The following FRMD8 variants were observed in gnomAD, a reference collection of about 807,000 sequenced individuals.
FRMD8 encodes FERM domain containing 8.
FRMD8 carries 37 observed loss-of-function variants against 54.2 expected under a neutral mutation model. The ratio of observed to expected loss-of-function variants is 0.68; its 90% CI spans 0.53 to 0.90. The LOEUF is 0.90. FRMD8 is among the 40% of genes least tolerant of loss of function. The pLI is 0.00. For synonymous variants in FRMD8, 246 were observed against 286.9 expected, an observed-to-expected ratio of 0.86 and a Z score of 1.44; for missense variants, 585 against 653.7, an observed-to-expected ratio of 0.89 and a Z score of 1.15.
intron 3 of FRMD8, among the ~76,000 whole-genome samples, chr11:65,391,004 GC>G (rs941395991): frequency 1.4e-4 from 21 of 152,290 alleles, no homozygotes; most frequent in African/African-American, 4.3e-4. Flanking sequence ...TGTGACTTGG[GC>G]CCCCCCAGAA....
At chr11:65,399,090 C>G (rs1273913730) in intron 7 of FRMD8, among the ~76,000 whole-genome samples, 1 of 150,570 alleles carries the variant, frequency 6.6e-6, no homozygotes, top group Non-Finnish European at 1.5e-5. Context: ...CTCCGCCTCC[C>G]AGGTTCACGC....
At chr11:65,369,467 G>A in the FRMD8 span, among the ~76,000 whole-genome samples, 1 of 152,010 alleles carries the variant, frequency 6.6e-6, no homozygotes, top group Non-Finnish European at 1.5e-5. Flanking sequence ...AGTGGCTCAT[G>A]CCTGTAATTC....
chr11:65,376,199 G>A, the FRMD8 span: 1 of 624,104 alleles, frequency 1.6e-6, no homozygotes. Context: ...AGGAGTCAAG[G>A]CCAGCTACAC....
chr11:65,406,821 C>T (rs910518508), intron 10 of FRMD8, among the ~76,000 whole-genome samples: 6 of 151,828 alleles, frequency 4.0e-5, no homozygotes, highest in Non-Finnish European at 7.4e-5. Flanking sequence ...CGCCTGTAGT[C>T]CCAGCTACTT....
upstream of FRMD8, chr11:65,381,984 A>G (rs751081430): frequency 1.2e-5 from 19 of 1,589,766 alleles, no homozygotes; most frequent in Non-Finnish European, 1.5e-5. Flanking sequence ...TGGCTCCAGC[A>G]GAGGAGACAG....
rs1031562466 is a variant in FRMD8, at chr11:65,406,258, G to A, written c.1276+1190G>A. On this transcript the variant is annotated intron_variant, in intron 10 of 10. Transcript: ENST00000317568. ...GCCCAGGCTGGAGTGCAGTGGGCGC[G>A]ATCTTGGCTCACTGCAAGCTCCACC... 9.3e-5 allele frequency among the ~76,000 whole-genome samples: 14 copies of A among 150,162 alleles called. 1 individual carries two copies. Among genetic ancestry groups the A allele is most frequent in the African/African-American group, 1.2e-4 (5 of 40,736 alleles).
intron 7 of FRMD8, 90 bp from the exon 8 acceptor site, chr11:65,399,646 G>T: frequency 6.6e-7 from 1 of 1,514,830 alleles, no homozygotes; most frequent in Non-Finnish European, 8.9e-7. Flanking sequence ...CCAAACAGCA[G>T]AAGTTCCTCA....
chr11:65,376,490 C>A, the FRMD8 span: 2 of 1,614,074 alleles, frequency 1.2e-6, no homozygotes, highest in Non-Finnish European at 1.7e-6. Flanking sequence ...TTGATGGTGA[C>A]CCCCCGGAAG....
chr11:65,413,191 G>C lies in FRMD8; in HGVS notation c.*1831G>C, dbSNP rs1779432860. The C allele has an allele frequency of 6.6e-6, 1 of 152,184 alleles. No individual in the cohort carries two copies. The highest frequency in any genetic ancestry group is 1.5e-5 in the Non-Finnish European group (1 of 68,084). 9.4% of individuals were successfully genotyped at this position (152,184 alleles called of 1,614,324 possible). A position where few individuals can be genotyped will look rare whatever the true frequency, so the allele number is the denominator to read the frequency against. ...TTTAGTAGAGATAGGGTTTCACCATGTTGGTCAGGCTGGTCGTGAACTCCT... is the reference window on the plus strand; with the variant it reads ...TTTAGTAGAGATAGGGTTTCACCATCTTGGTCAGGCTGGTCGTGAACTCCT... On this transcript the variant is annotated 3_prime_UTR_variant, in exon 11 of 11. Transcript: ENST00000317568.
At chr11:65,380,252 AGG>A in the FRMD8 span, 64 of 1,607,588 alleles carry the variant, frequency 4.0e-5, no homozygotes, top group Non-Finnish European at 6.8e-6. Flanking sequence ...AAGAGGAAAG[AGG>A]GGTTCAGGCA....
Position 65,396,838 on chromosome 11 carries a change from G to A in FRMD8, c.621G>A (p.Lys207=), listed in dbSNP as rs753256914. The change falls in exon 7 of 11, where the codon AAG becomes AAA. Residue 207 remains lysine (K), a synonymous_variant. Transcript: ENST00000317568. ...CCTTCCTCCCTGCCCACCTCTGTAAGCGGGGCCAGAGTCTCTTTGCTGCCC... is the reference window on the plus strand; with the variant it reads ...CCTTCCTCCCTGCCCACCTCTGTAAACGGGGCCAGAGTCTCTTTGCTGCCC... The part of the protein sequence containing the change: ...LDSFLPAHLC[K]RGQSLFAALR... The A allele has an allele frequency of 1.3e-6, 2 of 1,563,372 alleles. No homozygotes were observed. Among genetic ancestry groups the A allele is most frequent in the African/African-American group, 1.4e-5 (1 of 72,400 alleles).
chr11:65,376,125 C>T, the FRMD8 span: 2 of 510,688 alleles, frequency 3.9e-6, no homozygotes, highest in East Asian at 6.7e-5. Context: ...GCTGGGATGT[C>T]ACCAGCACCA....
At chr11:65,395,410 A>G (rs967936368) in intron 6 of FRMD8, among the ~76,000 whole-genome samples, 2 of 152,158 alleles carry the variant, frequency 1.3e-5, no homozygotes, top group African/African-American at 4.8e-5. Context: ...AAGGTGGTGC[A>G]TGCCTGTAAT....
intron 7 of FRMD8, among the ~76,000 whole-genome samples, chr11:65,399,489 C>T (rs971172595): frequency 5.3e-5 from 8 of 152,292 alleles, no homozygotes; most frequent in Admixed American, 2.6e-4. Context: ...CACGCGCTTC[C>T]CTCCGCCTGC....
chr11:65,391,038 C>T (rs890319977), intron 3 of FRMD8, among the ~76,000 whole-genome samples: 2 of 152,386 alleles, frequency 1.3e-5, no homozygotes, highest in African/African-American at 2.4e-5. Context: ...GGCCCCTGCA[C>T]CCCTGATGGG....
the FRMD8 span, chr11:65,379,011 T>C: frequency 3.6e-6 from 1 of 281,302 alleles, no homozygotes; most frequent in Non-Finnish European, 6.9e-6. Flanking sequence ...GGCTCACAGC[T>C]CTGCGGGGTG....
intron 2 of FRMD8, 26 bp downstream of exon 2, chr11:65,387,147 C>A: frequency 6.3e-7 from 1 of 1,580,496 alleles, no homozygotes; most frequent in Non-Finnish European, 8.6e-7. Context: ...ATCTCCTCTT[C>A]CACACCCTCC....
chr11:65,400,619 A>C lies in FRMD8; in HGVS notation c.928-105A>C. 8.7e-7 allele frequency: 1 copy of C among 1,144,014 alleles called. No homozygotes were observed. The highest frequency in any genetic ancestry group is 1.2e-6 in the Non-Finnish European group (1 of 835,040). The allele number at this position is 1,144,014 out of a possible 1,614,324, so 70.9% of individuals were successfully genotyped here. A position where few individuals can be genotyped will look rare whatever the true frequency, so the allele number is the denominator to read the frequency against. On this transcript the variant is annotated intron_variant, in intron 8 of 10. Coordinates refer to ENST00000317568, the MANE Select transcript of FRMD8 (RefSeq NM_031904.5). The surrounding 1 kb of genome is among the most constrained non-coding windows in gnomAD (Gnocchi z 4.3). The stretch of plus-strand genomic sequence containing the variant: ...GAAACACATGAACAAATGTAGACTC[A>C]GCCTTGGAGAGGCACACACCCTGGC...
the FRMD8 span, chr11:65,376,939 C>T: frequency 4.3e-6 from 7 of 1,612,968 alleles, no homozygotes; most frequent in East Asian, 2.2e-5. Context: ...GCCCCCGGGG[C>T]CCCTCCTCCC....
Sources: allele counts gnomAD v4.1 joint callset (sites outside exome capture counted in the v4.1 genomes callset), GRCh38; gene constraint gnomAD v4.1.1; non-coding constraint Gnocchi (gnomAD v3.1); transcripts MANE v1.5; gene names NCBI Gene and HGNC (gene_info 2026-07-23, HGNC 2026-07-21).